Variants in GAB2 observed in about 807,000 individuals in gnomAD.
GAB2 encodes the protein GRB2-associated-binding protein 2.
Under a neutral mutation model 65.5 loss-of-function variants are expected in GAB2, and 26 were observed. That is an observed-to-expected ratio of 0.40 (90% CI 0.29 to 0.55). GAB2 has a LOEUF of 0.55. GAB2 is among the 20% of genes least tolerant of loss of function. GAB2 has a pLI of 0.53. For synonymous variants in GAB2, 321 were observed against 329.6 expected, an observed-to-expected ratio of 0.97 and a Z score of 0.28; for missense variants, 884 against 875.8, an observed-to-expected ratio of 1.01 and a Z score of -0.12.
intron 1 of GAB2, among the ~76,000 whole-genome samples, chr11:78,365,228 A>G (rs1856482157): frequency 6.6e-6 from 1 of 152,236 alleles, no homozygotes; most frequent in Non-Finnish European, 1.5e-5. Flanking sequence ...AGTGTGATTA[A>G]AAAGCCACCA....
intron 1 of GAB2, among the ~76,000 whole-genome samples, chr11:78,381,492 G>A (rs1014171144): frequency 6.6e-6 from 1 of 152,090 alleles, no homozygotes; most frequent in Non-Finnish European, 1.5e-5. Flanking sequence ...CTCACTCCCA[G>A]TACAGAGCTG....
At chr11:78,274,642 A>T (rs1184683267) in intron 2 of GAB2, among the ~76,000 whole-genome samples, 1 of 152,220 alleles carries the variant, frequency 6.6e-6, no homozygotes, top group African/African-American at 2.4e-5. Context: ...CCTTGTCCCC[A>T]GTGTACAGAC....
intron 1 of GAB2, among the ~76,000 whole-genome samples, chr11:78,344,049 C>G (rs1856142941): frequency 6.6e-6 from 1 of 151,994 alleles, no homozygotes; most frequent in Non-Finnish European, 1.5e-5. Context: ...AACAGCTAGG[C>G]AAAACATTTT....
At position 78,224,305 on chromosome 11, in the gene GAB2, C is replaced by T. The variant is rs567812429; in HGVS notation, c.1303-629G>A. Among the ~76,000 whole-genome samples, 5 of 152,280 alleles carry T rather than the reference C, an allele frequency of 3.3e-5. No homozygotes were observed. In the East Asian group the frequency reaches 7.7e-4, roughly 24 times the overall value. On this transcript the variant is annotated intron_variant, in intron 5 of 9. Coordinates refer to ENST00000361507, the MANE Select transcript of GAB2 (RefSeq NM_080491.3). Reference sequence around the variant, plus strand: ...CTGTAGGTTTGGTTCAGGACCTGCCCTCCACCTCAAGTCCAGACTCACCAC... The same window carrying T: ...CTGTAGGTTTGGTTCAGGACCTGCCTTCCACCTCAAGTCCAGACTCACCAC...
chr11:78,401,111 G>GT (rs149885094), intron 1 of GAB2, among the ~76,000 whole-genome samples: 6,169 of 147,394 alleles, frequency 0.042, 386 homozygotes, highest in African/African-American at 0.14. Context: ...ACCAAGTGAG[G>GT]TTTAAAAAAA....
chr11:78,236,980 T>C (rs545346809), intron 3 of GAB2, among the ~76,000 whole-genome samples: 1 of 152,328 alleles, frequency 6.6e-6, no homozygotes, highest in Non-Finnish European at 1.5e-5. Flanking sequence ...CTGTTTATTA[T>C]TCATGGGGGA....
intron 1 of GAB2, among the ~76,000 whole-genome samples, chr11:78,322,298 C>CAAAAAAAAAAAAAAAAAAA (rs56709163): frequency 4.1e-4 from 5 of 12,076 alleles, no homozygotes; most frequent in East Asian, 1.2e-3. Flanking sequence ...GACTCTGTCT[C>CAAAAAAAAAAAAAAAAAAA]AAAAAAAAAA....
rs559961995 is a variant in GAB2 at position 78,321,112 on chromosome 11, T to C, written c.76-40211A>G. ...CCAAGGATTTGGTCTGAAAAGTTCA[T>C]GCATGGGTTGGAGATGTACATTTGG... On this transcript the variant is annotated intron_variant, in intron 1 of 9. Transcript: ENST00000361507. Among the ~76,000 whole-genome samples, 9 of 152,276 alleles carry C rather than the reference T, an allele frequency of 5.9e-5. No individual in the cohort carries two copies. The South Asian group carries it at 1.9e-3, about 32-fold the overall frequency.
chr11:78,289,456 A>C (rs1866588786), intron 1 of GAB2, among the ~76,000 whole-genome samples: 1 of 152,232 alleles, frequency 6.6e-6, no homozygotes, highest in African/African-American at 2.4e-5. Context: ...TTTCATGAGA[A>C]ATCAACAAGC....
At chr11:78,413,992 G>A (rs1857161319) in intron 1 of GAB2, among the ~76,000 whole-genome samples, 1 of 151,472 alleles carries the variant, frequency 6.6e-6, no homozygotes, top group South Asian at 2.1e-4. Context: ...GGAGGCTGAG[G>A]CAGGAGAATC....
chr11:78,353,515 C>A (rs186832860), intron 1 of GAB2, among the ~76,000 whole-genome samples: 3 of 152,264 alleles, frequency 2.0e-5, no homozygotes, highest in African/African-American at 7.2e-5. Context: ...TGATACGATT[C>A]ATGATAAAAT....
intron 6 of GAB2, 109 bp from the exon 7 acceptor site, chr11:78,222,304 C>A: frequency 2.8e-6 from 2 of 716,442 alleles, no homozygotes. Flanking sequence ...AAAGTCATTC[C>A]AGTTTCACAC....
At chr11:78,267,088 G>A (rs1865891903) in intron 2 of GAB2, among the ~76,000 whole-genome samples, 1 of 152,190 alleles carries the variant, frequency 6.6e-6, no homozygotes, top group Non-Finnish European at 1.5e-5. Flanking sequence ...TCTGGTCTAT[G>A]AGAAGTGGCT....
At chr11:78,303,157 G>C (rs1036471501) in intron 1 of GAB2, among the ~76,000 whole-genome samples, 3 of 152,152 alleles carry the variant, frequency 2.0e-5, no homozygotes, top group African/African-American at 7.2e-5. Context: ...ACTTACTCAT[G>C]TAACCAAATA....
At chr11:78,384,107 C>T (rs904090283) in intron 1 of GAB2, among the ~76,000 whole-genome samples, 21 of 152,196 alleles carry the variant, frequency 1.4e-4, no homozygotes, top group African/African-American at 4.8e-4. Flanking sequence ...CAAACCTGCA[C>T]TCTCATTTTG....
rs1865420367 is a variant in GAB2 at position 78,250,388 on chromosome 11, T to G, written c.389A>C (p.Asn130Thr). The G allele has an allele frequency of 2.5e-6, 4 of 1,613,278 alleles. No homozygotes were observed. Among genetic ancestry groups the G allele is most frequent in the Non-Finnish European group, 2.5e-6 (3 of 1,179,548 alleles). The change falls in exon 3 of 10, where the codon AAT (asparagine) becomes ACT (threonine). Residue 130 changes from asparagine to threonine, a missense_variant. Physicochemically the swap from Asn to Thr is moderately conservative, Grantham distance 65. Coordinates refer to ENST00000361507, the MANE Select transcript of GAB2 (RefSeq NM_080491.3). Reference sequence around the variant, plus strand: ...GGGGCCATGACCGGCTGAGGAAACATTTCTCAGGGAGTCTGAAAAGGAGAA... The same window carrying G: ...GGGGCCATGACCGGCTGAGGAAACAGTTCTCAGGGAGTCTGAAAAGGAGAA... ...QAEESTDSLRNVSSAGHGPRS... is the reference protein window; with the variant it reads ...QAEESTDSLRTVSSAGHGPRS...
chr11:78,309,926 ATGTGTG>A (rs60718900), intron 1 of GAB2, among the ~76,000 whole-genome samples: 29,032 of 135,164 alleles, frequency 0.21, 3,160 homozygotes, highest in Non-Finnish European at 0.24. Flanking sequence ...AGGGTTAGAA[ATGTGTG>A]TGTGTGTGTG....
At chr11:78,270,061 G>A (rs1356067393) in intron 2 of GAB2, among the ~76,000 whole-genome samples, 3 of 152,088 alleles carry the variant, frequency 2.0e-5, no homozygotes, top group Non-Finnish European at 2.9e-5. Context: ...GGTTAATATC[G>A]ATGTACAGAT....
intron 1 of GAB2, among the ~76,000 whole-genome samples, chr11:78,370,243 C>T (rs1470164688): frequency 2.1e-4 from 24 of 115,666 alleles, no homozygotes; most frequent in Non-Finnish European, 3.4e-4. Context: ...GGCGACAGAG[C>T]GAGACTCCGT....
Sources: gnomAD v4.1 joint callset for allele counts (sites outside exome capture counted in the v4.1 genomes callset) on GRCh38, gnomAD v4.1.1 for gene constraint, MANE v1.5 for transcripts, NCBI Gene and HGNC (gene_info 2026-07-23, HGNC 2026-07-21) for gene names.